The following SNTG1 variants were observed in gnomAD, a reference collection of about 807,000 sequenced individuals.
SNTG1 encodes syntrophin gamma 1, also known as gamma-1-syntrophin.
Under a neutral mutation model 74.7 loss-of-function variants are expected in SNTG1, and 39 were observed. The observed-to-expected ratio is 0.52, with a 90% confidence interval of 0.40 to 0.68. SNTG1 has a LOEUF of 0.68. Among genes scored for constraint, SNTG1 ranks in the 30% least tolerant of loss-of-function variants. The pLI, the probability that SNTG1 is intolerant of heterozygous loss-of-function variation, is 0.00. For missense variants in SNTG1, 685 were observed against 609.5 expected, an observed-to-expected ratio of 1.12 and a Z score of -1.30; for synonymous variants, 254 against 217.1, an observed-to-expected ratio of 1.17 and a Z score of -1.49.
chr8:50,210,659 T>C (rs942911646), intron 2 of SNTG1, among the ~76,000 whole-genome samples: 1 of 152,156 alleles, frequency 6.6e-6, no homozygotes, highest in African/African-American at 2.4e-5. Context: ...AGTAAATTCC[T>C]TTACAGACAA....
At chr8:50,322,162 C>G (rs1379823148) in intron 2 of SNTG1, among the ~76,000 whole-genome samples, 1 of 151,660 alleles carries the variant, frequency 6.6e-6, no homozygotes, top group African/African-American at 2.4e-5. Flanking sequence ...GTGCCTTTAG[C>G]ATTTCTTATA....
Position 50,752,027 on chromosome 8 carries a change from T to A in SNTG1, c.1311T>A (p.Ser437=), listed in dbSNP as rs766386499. 1.0e-4 allele frequency: 158 copies of A among 1,572,226 alleles called. No homozygotes were observed. The highest frequency in any genetic ancestry group is 1.3e-4 in the Non-Finnish European group (152 of 1,164,126). The change falls in exon 18 of 19, where the codon TCT becomes TCA. Residue 437 remains serine, a synonymous_variant. Transcript: ENST00000642720. ...CTGTCCTTTGGAGGTATAAATTCTC[T>A]CAGCTTAAAGGTTCTTCAGATGATG... ...TKAVLWRYKF[S]QLKGSSDDGK...
intron 1 of SNTG1, among the ~76,000 whole-genome samples, chr8:49,993,723 C>T (rs1255050814): frequency 3.9e-5 from 6 of 152,122 alleles, no homozygotes; most frequent in African/African-American, 1.4e-4. Context: ...CATGTCCTTG[C>T]AAAAGACATG....
chr8:50,269,471 C>G (rs570614204), intron 2 of SNTG1, among the ~76,000 whole-genome samples: 8 of 152,028 alleles, frequency 5.3e-5, no homozygotes, highest in Non-Finnish European at 7.4e-5. Flanking sequence ...CGGGGAAATG[C>G]TATAAAGTGT....
intron 2 of SNTG1, among the ~76,000 whole-genome samples, chr8:50,232,272 C>T (rs2085668286): frequency 6.6e-6 from 1 of 151,190 alleles, no homozygotes; most frequent in Admixed American, 6.6e-5. Context: ...GGTCTTATTC[C>T]AGGCAAGCAG....
chr8:50,770,977 C>T (rs751575858), intron 18 of SNTG1, among the ~76,000 whole-genome samples: 2 of 151,992 alleles, frequency 1.3e-5, no homozygotes, highest in Admixed American at 6.6e-5. Flanking sequence ...ATAATCAGAG[C>T]CAAATAAACT....
chr8:50,716,949 G>A (rs901700487), intron 17 of SNTG1, among the ~76,000 whole-genome samples: 2 of 151,900 alleles, frequency 1.3e-5, no homozygotes, highest in African/African-American at 4.8e-5. Context: ...TGTTAGCTAG[G>A]ATGGACTCGA....
chr8:50,636,314 C>G (rs1295930753), intron 13 of SNTG1, among the ~76,000 whole-genome samples: 1 of 151,898 alleles, frequency 6.6e-6, no homozygotes, highest in African/African-American at 2.4e-5. Context: ...CATATGCCCT[C>G]AAATCCACTG....
intron 3 of SNTG1, among the ~76,000 whole-genome samples, chr8:50,399,161 T>G (rs1311969888): frequency 1.3e-5 from 2 of 152,140 alleles, no homozygotes; most frequent in Non-Finnish European, 2.9e-5. Flanking sequence ...GTTTTAGCAC[T>G]TCGTGTACTG....
At chr8:50,358,297 A>G (rs1453969886) in intron 2 of SNTG1, among the ~76,000 whole-genome samples, 1 of 152,216 alleles carries the variant, frequency 6.6e-6, no homozygotes, top group Admixed American at 6.5e-5. Context: ...TCACACTCCT[A>G]CATCTGCTCA....
chr8:50,150,377 C>G (rs1241917732), intron 1 of SNTG1, among the ~76,000 whole-genome samples: 2 of 152,202 alleles, frequency 1.3e-5, no homozygotes, highest in East Asian at 3.9e-4. Context: ...TAATTGAATA[C>G]CCTTTATTTC....
At chr8:50,777,301 T>A (rs1049066049) in intron 18 of SNTG1, among the ~76,000 whole-genome samples, 1 of 149,018 alleles carries the variant, frequency 6.7e-6, no homozygotes, top group African/African-American at 2.4e-5. Flanking sequence ...GTCTTTCCTT[T>A]TTTCAATCTT....
intron 1 of SNTG1, among the ~76,000 whole-genome samples, chr8:49,973,515 A>T (rs993922975): frequency 7.3e-5 from 11 of 151,332 alleles, no homozygotes; most frequent in African/African-American, 2.7e-4. Context: ...AAGCATAATA[A>T]TAAAAAAAAA....
At chr8:50,609,448 T>C (rs1203012082) in intron 13 of SNTG1, among the ~76,000 whole-genome samples, 1 of 152,122 alleles carries the variant, frequency 6.6e-6, no homozygotes, top group East Asian at 1.9e-4. Flanking sequence ...TAAATGTTTT[T>C]TTGCTTTCAG....
At chr8:50,092,023 T>C (rs533543565) in intron 1 of SNTG1, among the ~76,000 whole-genome samples, 15 of 152,268 alleles carry the variant, frequency 9.9e-5, no homozygotes, top group African/African-American at 3.1e-4. Context: ...AAACCCTTCT[T>C]TTCCCACTTC....
chr8:50,631,687 T>C (rs1454552306), intron 13 of SNTG1, among the ~76,000 whole-genome samples: 1 of 152,214 alleles, frequency 6.6e-6, no homozygotes, highest in Non-Finnish European at 1.5e-5. Context: ...TATTACTTCT[T>C]TAAGTGTGAT....
intron 1 of SNTG1, among the ~76,000 whole-genome samples, chr8:49,985,761 T>A (rs552651982): frequency 1.3e-5 from 2 of 152,326 alleles, no homozygotes; most frequent in East Asian, 3.9e-4. Context: ...TCTCTCATGA[T>A]AGGTAATACC....
intron 2 of SNTG1, among the ~76,000 whole-genome samples, chr8:50,308,858 C>CA (rs1405615863): frequency 6.6e-6 from 1 of 151,994 alleles, no homozygotes; most frequent in East Asian, 1.9e-4. Context: ...GTTTTCCTGG[C>CA]AAATGATTTC....
At chr8:50,225,407 C>A (rs1420643945) in intron 2 of SNTG1, among the ~76,000 whole-genome samples, 4 of 152,148 alleles carry the variant, frequency 2.6e-5, no homozygotes, top group African/African-American at 9.7e-5. Context: ...ATGCTTTCAA[C>A]CATTGTCAGT....
Sources: allele counts gnomAD v4.1 joint callset (sites outside exome capture counted in the v4.1 genomes callset), GRCh38; gene constraint gnomAD v4.1.1; transcripts MANE v1.5; gene names NCBI Gene and HGNC (gene_info 2026-07-23, HGNC 2026-07-21).